Variants in CFTR observed in about 807,000 individuals in gnomAD.
CFTR encodes the protein CF transmembrane conductance regulator.
A neutral mutation model predicts 171.6 loss-of-function variants in CFTR; 181 were observed. That is an observed-to-expected ratio of 1.05 (90% CI 0.93 to 1.19). CFTR has a LOEUF of 1.19. Ranked by LOEUF, CFTR falls within the 50% of genes most tolerant of loss-of-function variation. The pLI is 0.00. For synonymous variants in CFTR, 583 were observed against 608.0 expected (o/e 0.96, Z 0.60); for missense variants, 1,968 against 1,734.7 (o/e 1.13, Z -2.39).
chr7:117,649,842 G>A (rs58837484), intron 23 of CFTR, among the ~76,000 whole-genome samples: 1 of 152,158 alleles, frequency 6.6e-6, no homozygotes, highest in East Asian at 1.9e-4. Flanking sequence ...ACCATATGTT[G>A]GGAGATTTTA....
Position 117,602,808 on chromosome 7 carries a change from T to C in CFTR, c.2620-18T>C. 1 of 1,613,068 alleles carries C rather than the reference T, an allele frequency of 6.2e-7. No individual in the cohort carries two copies. The highest frequency in any genetic ancestry group is 8.5e-7 in the Non-Finnish European group (1 of 1,179,020). ...AAGATGTTAGAAAAAAAATCAACTG[T>C]GTCTTGTTCCATTCCAGGTGGCTGC... On this transcript the variant is annotated intron_variant, in intron 15 of 26. Coordinates refer to ENST00000003084, the MANE Select transcript of CFTR (RefSeq NM_000492.4).
chr7:117,481,989 G>A (rs1353266316), intron 1 of CFTR, among the ~76,000 whole-genome samples: 2 of 152,116 alleles, frequency 1.3e-5, no homozygotes, highest in Admixed American at 1.3e-4. Context: ...TTGAGAAAAT[G>A]AATGTGAAAA....
chr7:117,631,886 T>G (rs1792752412), intron 22 of CFTR, among the ~76,000 whole-genome samples: 1 of 152,150 alleles, frequency 6.6e-6, no homozygotes, highest in Non-Finnish European at 1.5e-5. Context: ...GGCTTGCCAT[T>G]GGCATTTGAA....
At chr7:117,488,204 C>G (rs1235935922) in intron 1 of CFTR, among the ~76,000 whole-genome samples, 1 of 152,066 alleles carries the variant, frequency 6.6e-6, no homozygotes, top group Non-Finnish European at 1.5e-5. Context: ...TTCAATTAAA[C>G]TTTATTATGA....
At chr7:117,491,681 T>C (rs932644786) in intron 1 of CFTR, among the ~76,000 whole-genome samples, 2 of 152,024 alleles carry the variant, frequency 1.3e-5, no homozygotes, top group South Asian at 2.1e-4. Flanking sequence ...CAAACTTCTT[T>C]ACTATTAATA....
At chr7:117,590,470 C>T in intron 13 of CFTR, 31 bp downstream of exon 13, 1 of 1,586,164 alleles carries the variant, frequency 6.3e-7, no homozygotes, top group Non-Finnish European at 8.6e-7. Flanking sequence ...ACTTATAATG[C>T]TCATGCTAAA....
intron 12 of CFTR, among the ~76,000 whole-genome samples, chr7:117,589,990 GT>G (rs140489600): frequency 1.3e-5 from 2 of 151,926 alleles, no homozygotes; most frequent in African/African-American, 4.8e-5. Flanking sequence ...AGATACTATT[GT>G]TAAAATATTT....
chr7:117,633,835 A>T (rs916099817), intron 22 of CFTR, among the ~76,000 whole-genome samples: 4 of 151,930 alleles, frequency 2.6e-5, no homozygotes, highest in African/African-American at 9.7e-5. Context: ...AACCTTTTGT[A>T]CCTGAGATTA....
chr7:117,552,098 C>T (rs1220740107), intron 10 of CFTR, among the ~76,000 whole-genome samples: 1 of 151,798 alleles, frequency 6.6e-6, no homozygotes, highest in African/African-American at 2.4e-5. Flanking sequence ...ATATATATGA[C>T]ACTATACATG....
intron 11 of CFTR, among the ~76,000 whole-genome samples, chr7:117,563,350 A>T (rs980493395): frequency 6.6e-6 from 1 of 152,148 alleles, no homozygotes; most frequent in African/African-American, 2.4e-5. Context: ...ATAGGAAACC[A>T]TTTCAGGAAT....
chr7:117,663,949 C>T (rs35480497), intron 24 of CFTR, among the ~76,000 whole-genome samples: 157 of 151,842 alleles, frequency 1.0e-3, no homozygotes, highest in African/African-American at 3.5e-3. Flanking sequence ...CTTTTACTGT[C>T]TAGCTTTAAA....
intron 9 of CFTR, among the ~76,000 whole-genome samples, chr7:117,543,366 A>G (rs886471094): frequency 6.6e-6 from 1 of 152,202 alleles, no homozygotes; most frequent in Admixed American, 6.5e-5. Flanking sequence ...CTTCGTCGGC[A>G]TGAAGGAAAA....
intron 3 of CFTR, among the ~76,000 whole-genome samples, chr7:117,530,541 G>A (rs1798841997): frequency 6.6e-6 from 1 of 152,086 alleles, no homozygotes; most frequent in African/African-American, 2.4e-5. Flanking sequence ...GATACTGAAA[G>A]TTGTTATGAA....
intron 11 of CFTR, among the ~76,000 whole-genome samples, chr7:117,565,613 G>A (rs1257961539): frequency 2.6e-5 from 4 of 152,248 alleles, no homozygotes; most frequent in Non-Finnish European, 2.9e-5. Flanking sequence ...AAGTTGTTGT[G>A]ATACTTTTGG....
chr7:117,501,005 T>TTTCCCATATAAAAAA (rs1248984741), intron 1 of CFTR, among the ~76,000 whole-genome samples: 1 of 152,222 alleles, frequency 6.6e-6, no homozygotes, highest in East Asian at 1.9e-4. Flanking sequence ...GAAAGGTCAC[T>TTTCCCATATAAAAAA]GGGTTGTAAA....
intron 24 of CFTR, among the ~76,000 whole-genome samples, chr7:117,663,509 T>TAAAAAAAA (rs71148372): frequency 8.0e-6 from 1 of 124,420 alleles, no homozygotes; most frequent in Non-Finnish European, 1.8e-5. Context: ...CTTGTCCAGC[T>TAAAAAAAA]AAAAAAAAAA....
At chr7:117,639,781 G>C (rs2116158780) in intron 22 of CFTR, among the ~76,000 whole-genome samples, 1 of 152,230 alleles carries the variant, frequency 6.6e-6, no homozygotes, top group African/African-American at 2.4e-5. Context: ...GGTATAAGCA[G>C]CATATTCTCA....
chr7:117,642,887 C>T (rs1466569494), intron 23 of CFTR, among the ~76,000 whole-genome samples: 6 of 152,138 alleles, frequency 3.9e-5, no homozygotes, highest in Non-Finnish European at 7.4e-5. Context: ...GTTCCTGCTT[C>T]AGTGGCCTGA....
intron 3 of CFTR, among the ~76,000 whole-genome samples, chr7:117,512,492 G>A (rs1005288518): frequency 1.5e-4 from 23 of 151,980 alleles, no homozygotes. Flanking sequence ...CAGGTGTGGT[G>A]GCGTGGTGGC....
Sources: gnomAD v4.1 joint callset for allele counts (sites outside exome capture counted in the v4.1 genomes callset) on GRCh38, gnomAD v4.1.1 for gene constraint, MANE v1.5 for transcripts, NCBI Gene and HGNC (gene_info 2026-07-23, HGNC 2026-07-21) for gene names.